Variants in CCNJL observed in about 807,000 individuals in gnomAD.
CCNJL encodes cyclin J like.
A neutral mutation model predicts 33.4 loss-of-function variants in CCNJL; 33 were observed. That is an observed-to-expected ratio of 0.99 (90% CI 0.75 to 1.32). CCNJL has a LOEUF of 1.32. CCNJL is among the 40% of genes most tolerant of loss of function. CCNJL has a pLI of 0.00. For synonymous variants in CCNJL, 227 were observed against 220.9 expected, an observed-to-expected ratio of 1.03 and a Z score of -0.24; for missense variants, 512 against 499.7, an observed-to-expected ratio of 1.02 and a Z score of -0.23.
chr5:160,293,684 C>CA (rs1321929999), intron 2 of CCNJL, among the ~76,000 whole-genome samples: 1 of 152,182 alleles, frequency 6.6e-6, no homozygotes, highest in African/African-American at 2.4e-5. Flanking sequence ...GCTATCTCCC[C>CA]ACACCCACCC....
chr5:160,263,714 A>G (rs1032219783), intron 3 of CCNJL, among the ~76,000 whole-genome samples: 1 of 152,204 alleles, frequency 6.6e-6, no homozygotes, highest in Non-Finnish European at 1.5e-5. Flanking sequence ...TCAAGGTACC[A>G]GCTTCCCTGG....
intron 2 of CCNJL, among the ~76,000 whole-genome samples, chr5:160,294,410 C>A (rs1394647916): frequency 6.6e-6 from 1 of 152,178 alleles, no homozygotes; most frequent in East Asian, 1.9e-4. Flanking sequence ...ACCCAGGCAC[C>A]ACATCCGCAG....
chr5:160,295,294 T>A (rs916670466), intron 2 of CCNJL, among the ~76,000 whole-genome samples: 1 of 152,064 alleles, frequency 6.6e-6, no homozygotes, highest in African/African-American at 2.4e-5. Flanking sequence ...ATCGAGACCA[T>A]CCTGTCCAAC....
At chr5:160,270,276 T>A (rs1218395131) in intron 3 of CCNJL, among the ~76,000 whole-genome samples, 1 of 152,174 alleles carries the variant, frequency 6.6e-6, no homozygotes, top group African/African-American at 2.4e-5. Flanking sequence ...AAACCCTGTC[T>A]CTACTAAAAA....
intron 3 of CCNJL, among the ~76,000 whole-genome samples, chr5:160,271,029 A>C (rs1440889806): frequency 6.6e-6 from 1 of 152,234 alleles, no homozygotes; most frequent in Non-Finnish European, 1.5e-5. Context: ...AATGCTTGTA[A>C]TTAAAATTAA....
upstream of CCNJL, among the ~76,000 whole-genome samples, chr5:160,316,441 T>G (rs1000685634): frequency 6.6e-6 from 1 of 152,190 alleles, no homozygotes; most frequent in East Asian, 1.9e-4. Flanking sequence ...AAATCTGCCC[T>G]TTTCAATCTT....
At position 160,251,898 on chromosome 5, in the gene CCNJL, TCTTA is replaced by T. The variant is rs555616146; in HGVS notation, c.*1476_*1479del. On this transcript the variant is annotated 3_prime_UTR_variant, in exon 6 of 6. Coordinates refer to ENST00000257536, the MANE Select transcript of CCNJL (RefSeq NM_001308173.3). ...AGTCTTATCCACACCCCGTCTCTTT[TCTTA>T]CTGTCTCCATGCTGAGATTTTCAGC... is the stretch of plus-strand genomic sequence containing the variant. 2.4e-4 allele frequency: 37 copies of T among 152,342 alleles called. No homozygotes were observed. In the South Asian group the frequency reaches 7.2e-3, roughly 30 times the overall value. The allele number at this position is 152,342 out of a possible 1,614,324, so 9.4% of individuals were successfully genotyped here.
chr5:160,263,838 C>T (rs901155118), intron 3 of CCNJL, among the ~76,000 whole-genome samples: 1 of 152,072 alleles, frequency 6.6e-6, no homozygotes, highest in Non-Finnish European at 1.5e-5. Flanking sequence ...AATTATTATA[C>T]TGGGGGTTGA....
intron 2 of CCNJL, 108 bp downstream of exon 2, chr5:160,311,750 G>A: frequency 9.7e-7 from 1 of 1,031,570 alleles, no homozygotes. Flanking sequence ...AGGAAAAAAA[G>A]GCACCCGGGA....
chr5:160,289,330 G>C (rs1762510612), intron 2 of CCNJL, among the ~76,000 whole-genome samples: 1 of 152,198 alleles, frequency 6.6e-6, no homozygotes, highest in Admixed American at 6.5e-5. Context: ...CTAATGAGTA[G>C]CTGCTGGCTC....
Position 160,270,659 on chromosome 5 carries a change from G to A in CCNJL, c.280+9866C>T, listed in dbSNP as rs554234209. 5.7e-4 allele frequency among the ~76,000 whole-genome samples: 87 copies of A among 152,244 alleles called. 1 individual carries two copies. In the South Asian group the frequency reaches 1.0e-2, roughly 17 times the overall value. ...TGAGGCTAGGATTTACCCTCCACCC[G>A]CAGGTTCCGATTATAGAAAAGAGAA... On this transcript the variant is annotated intron_variant, in intron 3 of 5. Transcript: ENST00000257536.
intron 2 of CCNJL, among the ~76,000 whole-genome samples, chr5:160,295,911 G>A (rs978529731): frequency 1.3e-5 from 2 of 152,144 alleles, no homozygotes; most frequent in African/African-American, 4.8e-5. Context: ...TCTATTTCCT[G>A]TCTCACCGAA....
chr5:160,259,391 C>T (rs1761215212), intron 4 of CCNJL, 78 bp downstream of exon 4: 1 of 1,391,882 alleles, frequency 7.2e-7, no homozygotes, highest in Non-Finnish European at 9.8e-7. Context: ...ATGGACATGC[C>T]TTTTAGAGCC....
chr5:160,316,457 G>A (rs1315004437), upstream of CCNJL, among the ~76,000 whole-genome samples: 1 of 151,550 alleles, frequency 6.6e-6, no homozygotes, highest in African/African-American at 2.4e-5. Context: ...ATCTTCCTTA[G>A]AGGACAAATT....
intron 1 of CCNJL, among the ~76,000 whole-genome samples, chr5:160,334,767 T>C (rs910770282): frequency 1.3e-5 from 2 of 152,342 alleles, no homozygotes; most frequent in Admixed American, 1.3e-4. Context: ...AGACCTGGCA[T>C]CAGATCCACC....
rs1042062536 is a variant in CCNJL at position 160,325,635 on chromosome 5, T to C, written n.207-10130A>G. On this transcript the variant is annotated intron_variant and non_coding_transcript_variant, in intron 1 of 7. Transcript: ENST00000377503. ...TGGGTATTATGGTTGTTGATATTTA[T>C]GTCCTATTTACTAAACAAAAGTATA... Among the ~76,000 whole-genome samples the C allele has an allele frequency of 7.2e-5, 11 of 152,336 alleles. 1 individual carries two copies. Among genetic ancestry groups the C allele is most frequent in the African/African-American group, 2.6e-4 (11 of 41,578 alleles).
At chr5:160,288,543 T>TA (rs1188288097) in intron 2 of CCNJL, among the ~76,000 whole-genome samples, 2 of 152,184 alleles carry the variant, frequency 1.3e-5, no homozygotes, top group African/African-American at 2.4e-5. Context: ...TTCTTTTTAC[T>TA]AATTATAAAT....
chr5:160,331,139 G>A (rs1763602206), intron 1 of CCNJL, among the ~76,000 whole-genome samples: 1 of 151,524 alleles, frequency 6.6e-6, no homozygotes, highest in Non-Finnish European at 1.5e-5. Context: ...CTTATCACTT[G>A]CCATCTTTCC....
intron 1 of CCNJL, among the ~76,000 whole-genome samples, chr5:160,323,569 C>CT (rs1318674932): frequency 1.5e-4 from 23 of 152,122 alleles, no homozygotes; most frequent in African/African-American, 5.3e-4. Context: ...TAAAAACATC[C>CT]TTTCTTTATG....
Sources: allele counts gnomAD v4.1 joint callset (sites outside exome capture counted in the v4.1 genomes callset), GRCh38; gene constraint gnomAD v4.1.1; transcripts MANE v1.5; gene names NCBI Gene and HGNC (gene_info 2026-07-23, HGNC 2026-07-21).